The following UMOD variants were observed in gnomAD, a reference collection of about 807,000 sequenced individuals.
UMOD encodes the protein Tamm-Horsfall urinary glycoprotein.
A neutral mutation model predicts 66.0 loss-of-function variants in UMOD; 64 were observed. The ratio of observed to expected loss-of-function variants is 0.97; its 90% CI spans 0.79 to 1.19. The LOEUF is 1.19. Among genes scored for constraint, UMOD ranks in the 50% most tolerant of loss-of-function variants. UMOD has a pLI of 0.00. For missense variants in UMOD, 764 were observed against 850.9 expected, an observed-to-expected ratio of 0.90 and a Z score of 1.27; for synonymous variants, 398 against 352.7, an observed-to-expected ratio of 1.13 and a Z score of -1.44.
At chr16:20,346,390 C>A (rs1965589755) in intron 4 of UMOD, 56 bp from the exon 5 acceptor site, 1 of 1,586,610 alleles carries the variant, frequency 6.3e-7, no homozygotes, top group Non-Finnish European at 8.6e-7. Flanking sequence ...GGGCCCAGCA[C>A]ATCCCCAGGG....
chr16:20,338,343 A>G (rs1489151961), intron 7 of UMOD, among the ~76,000 whole-genome samples: 1 of 151,946 alleles, frequency 6.6e-6, no homozygotes, highest in Non-Finnish European at 1.5e-5. Context: ...TCCTCTTTTC[A>G]TGCCTTGTGA....
chr16:20,346,079 T>A (rs759395401), intron 5 of UMOD, 47 bp downstream of exon 5: 1 of 1,570,320 alleles, frequency 6.4e-7, no homozygotes, highest in East Asian at 2.2e-5. Flanking sequence ...AGCTGAAGCT[T>A]GAACCAGGCA....
chr16:20,341,063 A>C, intron 7 of UMOD, 28 bp downstream of exon 7: 1 of 1,609,542 alleles, frequency 6.2e-7, no homozygotes, highest in African/African-American at 1.3e-5. Flanking sequence ...TCTACCCATG[A>C]GTTCCCATGT....
rs1965380706 is a variant in UMOD at position 20,343,941 on chromosome 16, G to T, written c.1331+83C>A. Reference sequence around the variant, plus strand: ...AGCCCTCACTCCCAGCTCCCTGTGGGTGGCAGTTGACAGGGAAGCTCATGG... The same window carrying T: ...AGCCCTCACTCCCAGCTCCCTGTGGTTGGCAGTTGACAGGGAAGCTCATGG... On this transcript the variant is annotated intron_variant, in intron 6 of 10. Coordinates refer to ENST00000396138, the MANE Select transcript of UMOD (RefSeq NM_003361.4). 4.6e-6 allele frequency: 7 copies of T among 1,535,740 alleles called. No homozygotes were observed. In the South Asian group the frequency reaches 5.7e-5, roughly 12 times the overall value.
rs375954910 is a variant in UMOD, at chr16:20,344,080, G to A, written c.1275C>T (p.Cys425=). The A allele has an allele frequency of 7.0e-5, 113 of 1,613,856 alleles. No individual in the cohort carries two copies. The highest frequency in any genetic ancestry group is 9.1e-5 in the Non-Finnish European group (107 of 1,180,022). ...RDLNIKINFA[C]SYPLDMKVSL... ...TGACTTTCATGTCCAGGGGGTAGGA[G>A]CATGCAAAGTTGATTTTGATGTTGA... The change falls in exon 6 of 11, where the codon TGC becomes TGT. Residue 425 remains cysteine, a synonymous_variant. Transcript: ENST00000396138.
At chr16:20,345,800 G>A (rs1347962593) in intron 5 of UMOD, among the ~76,000 whole-genome samples, 1 of 152,030 alleles carries the variant, frequency 6.6e-6, no homozygotes, top group Non-Finnish European at 1.5e-5. Context: ...ATGCCTACTG[G>A]CTGAGACAAT....
rs1965210783 is a variant in UMOD, at chr16:20,341,411, T to A, written c.1332-75A>T. 1.9e-6 allele frequency: 3 copies of A among 1,600,202 alleles called. No individual in the cohort carries two copies. The Middle Eastern group carries it at 6.2e-4, about 332-fold the overall frequency. On this transcript the variant is annotated intron_variant, in intron 6 of 10. Transcript: ENST00000396138. ...GATAGGCCACCTTCTCTGATTTGCATTCCTAGGCAGTCCCTTGCAGTTATT... is the reference window on the plus strand; with the variant it reads ...GATAGGCCACCTTCTCTGATTTGCAATCCTAGGCAGTCCCTTGCAGTTATT...
At position 20,341,267 on chromosome 16, in the gene UMOD, G is replaced by C; in HGVS notation, c.1401C>G (p.Ser467=). 6.2e-7 allele frequency: 1 copy of C among 1,614,094 alleles called. No homozygotes were observed. Among genetic ancestry groups the C allele is most frequent in the Non-Finnish European group, 8.5e-7 (1 of 1,180,030 alleles). ...AGGAGCCTTGGTAGGGCTGCGTGTA[G>C]GAAGGGGTCTGGAAGAGCGCCATCC... ...TVRMALFQTP[S]YTQPYQGSSV... is the part of the protein sequence containing the mutation. Residue 467 remains serine, a synonymous_variant, in exon 7 of 11, where the codon TCC becomes TCG. Coordinates refer to ENST00000396138, the MANE Select transcript of UMOD (RefSeq NM_003361.4).
At chr16:20,342,522 TCATCAGTGCCCAG>T (rs1300170926) in intron 6 of UMOD, 1 of 152,178 alleles carries the variant, frequency 6.6e-6, no homozygotes, top group East Asian at 1.9e-4. Flanking sequence ...CTGTGCACCC[TCATCAGTGCCCAG>T]CATCCTTTCC....
chr16:20,350,068 T>C (rs555964693), intron 2 of UMOD, among the ~76,000 whole-genome samples: 1 of 152,086 alleles, frequency 6.6e-6, no homozygotes, highest in African/African-American at 2.4e-5. Flanking sequence ...AGCCCCTTAC[T>C]CCTTTGGTAA....
chr16:20,348,089 C>T (rs1965681808), intron 4 of UMOD, 134 bp downstream of exon 4: 1 of 829,468 alleles, frequency 1.2e-6, no homozygotes, highest in Non-Finnish European at 2.0e-6. Context: ...AGTGGATCTT[C>T]TGTTTTCACT....
intron 7 of UMOD, among the ~76,000 whole-genome samples, 165 bp downstream of exon 7, chr16:20,340,926 G>A (rs768910836): frequency 5.5e-4 from 84 of 151,466 alleles, no homozygotes; most frequent in Admixed American, 2.0e-4. Context: ...CCCAGGAGGC[G>A]GAGGTTGCAG....
intron 4 of UMOD, 62 bp downstream of exon 4, chr16:20,348,161 G>A (rs753823514): frequency 2.4e-5 from 33 of 1,385,870 alleles, no homozygotes; most frequent in Admixed American, 3.3e-5. Flanking sequence ...GGGGAGGAAT[G>A]TGTCCCTCCC....
chr16:20,340,065 C>G (rs559534071), intron 7 of UMOD, among the ~76,000 whole-genome samples: 1 of 152,232 alleles, frequency 6.6e-6, no homozygotes, highest in East Asian at 1.9e-4. Flanking sequence ...AAGTTTCTTA[C>G]CATTTTTTGA....
chr16:20,345,045 A>G (rs1268420137), intron 5 of UMOD, among the ~76,000 whole-genome samples: 1 of 152,014 alleles, frequency 6.6e-6, no homozygotes, highest in Non-Finnish European at 1.5e-5. Context: ...ACAGAGTCTC[A>G]CTCTGTCACC....
At chr16:20,351,229 G>A (rs914945513) in intron 1 of UMOD, 7 of 225,314 alleles carry the variant, frequency 3.1e-5, no homozygotes, top group African/African-American at 1.6e-4. Flanking sequence ...CTATTGAGTA[G>A]CTACATTGTG....
At chr16:20,343,987 A>G in intron 6 of UMOD, 37 bp downstream of exon 6, 1 of 1,611,968 alleles carries the variant, frequency 6.2e-7, no homozygotes, top group South Asian at 1.1e-5. Context: ...TGGGGTTAGA[A>G]CCATCTAGGG....
At chr16:20,344,819 C>T (rs1965452768) in intron 5 of UMOD, among the ~76,000 whole-genome samples, 1 of 152,158 alleles carries the variant, frequency 6.6e-6, no homozygotes, top group Admixed American at 6.5e-5. Flanking sequence ...CTGCCACATC[C>T]CTGCTTCCCA....
intron 10 of UMOD, among the ~76,000 whole-genome samples, chr16:20,334,504 G>A (rs949603602): frequency 5.9e-5 from 9 of 152,164 alleles, no homozygotes; most frequent in African/African-American, 1.9e-4. Context: ...ATGCATGTAC[G>A]TGACCTTGTG....
Sources: gnomAD v4.1 joint callset for allele counts (sites outside exome capture counted in the v4.1 genomes callset) on GRCh38, gnomAD v4.1.1 for gene constraint, MANE v1.5 for transcripts, NCBI Gene and HGNC (gene_info 2026-07-23, HGNC 2026-07-21) for gene names.